Variants in CDH13 observed in about 807,000 individuals in gnomAD.
CDH13 encodes cadherin 13.
CDH13 carries 24 observed loss-of-function variants against 63.8 expected under a neutral mutation model. The ratio of observed to expected loss-of-function variants is 0.38; its 90% CI spans 0.27 to 0.53. CDH13 has a LOEUF of 0.53. Among genes scored for constraint, CDH13 ranks in the 20% least tolerant of loss-of-function variants. CDH13 has a pLI of 0.85. For missense variants in CDH13, 1,049 were observed against 903.1 expected (o/e 1.16, Z -2.07); for synonymous variants, 503 against 355.3 (o/e 1.42, Z -4.67).
chr16:83,485,898 C>A (rs147677170), intron 6 of CDH13, among the ~76,000 whole-genome samples: 23 of 152,122 alleles, frequency 1.5e-4, no homozygotes, highest in African/African-American at 5.3e-4. Context: ...ATCCCAGCAC[C>A]CTTGGAGGCC....
intron 3 of CDH13, among the ~76,000 whole-genome samples, chr16:83,105,324 A>G (rs1218290656): frequency 2.6e-5 from 4 of 152,208 alleles, no homozygotes; most frequent in Non-Finnish European, 5.9e-5. Context: ...CTGTCCTGGA[A>G]TAATCCAGTG....
At chr16:83,543,787 A>G (rs999200640) in intron 7 of CDH13, among the ~76,000 whole-genome samples, 1 of 152,202 alleles carries the variant, frequency 6.6e-6, no homozygotes, top group African/African-American at 2.4e-5. Context: ...CCTACAGTAC[A>G]TAACACAGTT....
At chr16:83,723,454 A>G (rs1307362221) in intron 10 of CDH13, among the ~76,000 whole-genome samples, 1 of 152,184 alleles carries the variant, frequency 6.6e-6, no homozygotes, top group African/African-American at 2.4e-5. Flanking sequence ...CCTCAGTGAC[A>G]TCAGCTCACT....
intron 7 of CDH13, among the ~76,000 whole-genome samples, chr16:83,535,188 T>A (rs2075160273): frequency 6.6e-6 from 1 of 152,222 alleles, no homozygotes; most frequent in African/African-American, 2.4e-5. Context: ...GGGCACAGCA[T>A]GTGCAGAGGC....
At chr16:82,986,734 G>A (rs968765052) in intron 2 of CDH13, among the ~76,000 whole-genome samples, 1 of 152,190 alleles carries the variant, frequency 6.6e-6, no homozygotes, top group Non-Finnish European at 1.5e-5. Context: ...GTCAAACCAA[G>A]TCACAAGGAT....
At chr16:83,779,205 G>C (rs1915332187) in intron 11 of CDH13, among the ~76,000 whole-genome samples, 1 of 151,764 alleles carries the variant, frequency 6.6e-6, no homozygotes, top group Non-Finnish European at 1.5e-5. Flanking sequence ...AGGAGTTTGA[G>C]ACCAGCCTGG....
intron 1 of CDH13, among the ~76,000 whole-genome samples, chr16:82,663,852 A>C (rs1412577545): frequency 1.3e-5 from 2 of 152,100 alleles, no homozygotes; most frequent in Non-Finnish European, 1.5e-5. Flanking sequence ...CTTACATACT[A>C]TGTGAATATA....
intron 1 of CDH13, among the ~76,000 whole-genome samples, chr16:82,738,762 C>T (rs912590271): frequency 6.6e-6 from 1 of 152,222 alleles, no homozygotes; most frequent in African/African-American, 2.4e-5. Flanking sequence ...TAGGCATTAA[C>T]TCTCTATGCC....
intron 3 of CDH13, among the ~76,000 whole-genome samples, chr16:83,112,752 G>A (rs2035118883): frequency 6.6e-6 from 1 of 152,126 alleles, no homozygotes; most frequent in African/African-American, 2.4e-5. Flanking sequence ...TTGTTTTTCA[G>A]TAAAATATCT....
chr16:82,914,155 G>C (rs2041916167), intron 2 of CDH13, among the ~76,000 whole-genome samples: 1 of 152,112 alleles, frequency 6.6e-6, no homozygotes, highest in South Asian at 2.1e-4. Context: ...GGTCCTGCTA[G>C]ATCCTTCACT....
chr16:83,759,707 A>T (rs1913803363), intron 11 of CDH13, among the ~76,000 whole-genome samples: 1 of 152,102 alleles, frequency 6.6e-6, no homozygotes, highest in African/African-American at 2.4e-5. Flanking sequence ...TGGGCAGATC[A>T]CTTGAGCCAA....
intron 6 of CDH13, among the ~76,000 whole-genome samples, chr16:83,486,119 G>T (rs2073882289): frequency 6.6e-6 from 1 of 151,884 alleles, no homozygotes; most frequent in African/African-American, 2.4e-5. Flanking sequence ...CTCCGGCTTG[G>T]GTGACAGAGC....
chr16:82,955,635 G>A (rs778692694), intron 2 of CDH13, among the ~76,000 whole-genome samples: 18 of 152,202 alleles, frequency 1.2e-4, no homozygotes, highest in Non-Finnish European at 1.5e-4. Context: ...CACTGTGTTA[G>A]GTGCTGTGAA....
At chr16:82,909,621 G>C (rs1205375813) in intron 2 of CDH13, among the ~76,000 whole-genome samples, 1 of 152,208 alleles carries the variant, frequency 6.6e-6, no homozygotes, top group Non-Finnish European at 1.5e-5. Flanking sequence ...TGTGGTGGCA[G>C]GCAAGAGAGC....
At chr16:83,446,643 G>T (rs2072696578) in intron 6 of CDH13, among the ~76,000 whole-genome samples, 1 of 152,086 alleles carries the variant, frequency 6.6e-6, no homozygotes, top group African/African-American at 2.4e-5. Context: ...CTCTCTTTCT[G>T]GTGGTAATCA....
intron 5 of CDH13, among the ~76,000 whole-genome samples, chr16:83,317,284 A>G (rs1264732648): frequency 1.3e-5 from 2 of 152,240 alleles, no homozygotes; most frequent in African/African-American, 4.8e-5. Flanking sequence ...GCATCTTACC[A>G]GCAAGTTCTG....
chr16:83,216,397 AATAT>A (rs1158270310), intron 4 of CDH13, among the ~76,000 whole-genome samples: 1,144 of 16,086 alleles, frequency 0.071, 95 homozygotes, highest in Middle Eastern at 0.17. Flanking sequence ...CCAGCATTGA[AATAT>A]ATATATATAT....
rs1038430176 is a variant in CDH13, at chr16:83,034,675, C to A, written c.366+2457C>A. ...CGATTGTTCTTCGTGAATGGTGGCT[C>A]ATCTTTCTATCTGGAAAAGATACTG... On this transcript the variant is annotated intron_variant, in intron 3 of 13. Coordinates refer to ENST00000567109, the MANE Select transcript of CDH13 (RefSeq NM_001257.5). Among the ~76,000 whole-genome samples the A allele has an allele frequency of 2.0e-5, 3 of 152,290 alleles. No individual in the cohort carries two copies. In the South Asian group the frequency reaches 6.2e-4, roughly 32 times the overall value.
intron 6 of CDH13, among the ~76,000 whole-genome samples, chr16:83,417,715 A>G (rs913209410): frequency 6.6e-6 from 1 of 152,210 alleles, no homozygotes; most frequent in Non-Finnish European, 1.5e-5. Flanking sequence ...CGAAGCAGAC[A>G]GGCTGTAGAG....
Sources: gnomAD v4.1 joint callset for allele counts (sites outside exome capture counted in the v4.1 genomes callset) on GRCh38, gnomAD v4.1.1 for gene constraint, MANE v1.5 for transcripts, NCBI Gene and HGNC (gene_info 2026-07-23, HGNC 2026-07-21) for gene names.